Variants in TRAPPC9 observed in about 807,000 individuals in gnomAD.
The protein encoded by TRAPPC9 is IKK2 binding protein.
TRAPPC9 carries 83 observed loss-of-function variants against 124.0 expected under a neutral mutation model. That is an observed-to-expected ratio of 0.67 (90% CI 0.56 to 0.80). TRAPPC9 has a LOEUF of 0.80. TRAPPC9 is among the 30% of genes least tolerant of loss of function. TRAPPC9 has a pLI of 0.00. For synonymous variants in TRAPPC9, 638 were observed against 617.5 expected, an observed-to-expected ratio of 1.03 and a Z score of -0.49; for missense variants, 1,302 against 1,508.3, an observed-to-expected ratio of 0.86 and a Z score of 2.27.
At chr8:139,953,392 C>G (rs1418532331) in intron 19 of TRAPPC9, among the ~76,000 whole-genome samples, 1 of 152,156 alleles carries the variant, frequency 6.6e-6, no homozygotes, top group Non-Finnish European at 1.5e-5. Flanking sequence ...ACTCAGGAGG[C>G]TGAGGCAAGA....
intron 20 of TRAPPC9, chr8:139,908,564 C>T (rs915412673): frequency 6.6e-6 from 1 of 152,322 alleles, no homozygotes; most frequent in African/African-American, 2.4e-5. Flanking sequence ...CCTGCGGAGC[C>T]TTCTCCTTTG....
intron 21 of TRAPPC9, among the ~76,000 whole-genome samples, chr8:139,735,797 A>G (rs1253375331): frequency 6.6e-6 from 1 of 151,882 alleles, no homozygotes; most frequent in Non-Finnish European, 1.5e-5. Context: ...GCTCTGTACA[A>G]CCCCTTGGGA....
At chr8:139,841,867 A>G (rs1400710737) in intron 21 of TRAPPC9, among the ~76,000 whole-genome samples, 1 of 152,248 alleles carries the variant, frequency 6.6e-6, no homozygotes, top group South Asian at 2.1e-4. Flanking sequence ...AGCTGCCTGC[A>G]CAACACAGGG....
At chr8:140,420,031 A>G (rs747837503) in intron 5 of TRAPPC9, among the ~76,000 whole-genome samples, 3 of 151,744 alleles carry the variant, frequency 2.0e-5, no homozygotes, top group Non-Finnish European at 2.9e-5. Flanking sequence ...CCAATACACA[A>G]AAAATTGTGT....
At chr8:139,809,748 G>A (rs1481740419) in intron 21 of TRAPPC9, among the ~76,000 whole-genome samples, 1 of 152,072 alleles carries the variant, frequency 6.6e-6, no homozygotes, top group Non-Finnish European at 1.5e-5. Context: ...AGCCACAAGA[G>A]CCAACCCCCA....
chr8:139,945,543 C>CAAAAAAAAAAAA (rs61528944), intron 19 of TRAPPC9, among the ~76,000 whole-genome samples: 15 of 66,168 alleles, frequency 2.3e-4, no homozygotes, highest in East Asian at 5.6e-4. Flanking sequence ...GCACAATTAG[C>CAAAAAAAAAAAA]AAAAAAAAAA....
At chr8:139,932,512 C>T (rs1447362495) in intron 19 of TRAPPC9, 2 of 456,600 alleles carry the variant, frequency 4.4e-6, no homozygotes, top group Non-Finnish European at 4.4e-6. Context: ...CCTGTAATCC[C>T]AGCACTTTGG....
intron 17 of TRAPPC9, among the ~76,000 whole-genome samples, chr8:140,024,821 G>C (rs570994652): frequency 1.6e-4 from 25 of 152,172 alleles, no homozygotes; most frequent in Non-Finnish European, 2.9e-4. Context: ...CATCAGATGA[G>C]GTGACAGGCG....
chr8:139,740,970 G>A (rs1398506482), intron 21 of TRAPPC9, among the ~76,000 whole-genome samples: 3 of 152,162 alleles, frequency 2.0e-5, no homozygotes, highest in African/African-American at 7.2e-5. Flanking sequence ...CCAGCCCTGG[G>A]CAGCTGCCAT....
chr8:140,125,159 C>G (rs957351964), intron 17 of TRAPPC9, among the ~76,000 whole-genome samples: 1 of 152,204 alleles, frequency 6.6e-6, no homozygotes, highest in Admixed American at 6.5e-5. Flanking sequence ...ATGCAGCAGC[C>G]GAGGTCAGCA....
chr8:139,790,837 T>C (rs1229413977), intron 21 of TRAPPC9, among the ~76,000 whole-genome samples: 1 of 152,092 alleles, frequency 6.6e-6, no homozygotes, highest in Non-Finnish European at 1.5e-5. Context: ...GGGGTGGATT[T>C]CTCATAAATG....
At chr8:140,328,836 T>G (rs1047421142) in intron 9 of TRAPPC9, among the ~76,000 whole-genome samples, 1 of 152,140 alleles carries the variant, frequency 6.6e-6, no homozygotes. Flanking sequence ...GTGAAAGGAT[T>G]TGATGCTCGA....
At chr8:139,966,496 C>T (rs1017319394) in intron 19 of TRAPPC9, among the ~76,000 whole-genome samples, 5 of 152,220 alleles carry the variant, frequency 3.3e-5, no homozygotes, top group African/African-American at 1.2e-4. Flanking sequence ...GGTCCTTCTT[C>T]CAGAATAGCC....
At chr8:140,075,256 T>C (rs1230484151) in intron 17 of TRAPPC9, among the ~76,000 whole-genome samples, 1 of 152,242 alleles carries the variant, frequency 6.6e-6, no homozygotes, top group Non-Finnish European at 1.5e-5. Flanking sequence ...AATGCTATAA[T>C]GTACATAAAA....
intron 20 of TRAPPC9, among the ~76,000 whole-genome samples, chr8:139,887,285 A>G (rs1351393540): frequency 6.9e-6 from 1 of 145,036 alleles, no homozygotes; most frequent in Admixed American, 7.0e-5. Context: ...CTGTGGCATG[A>G]TCTCGGCTCA....
At chr8:140,138,477 A>G (rs920638927) in intron 17 of TRAPPC9, among the ~76,000 whole-genome samples, 2 of 152,096 alleles carry the variant, frequency 1.3e-5, no homozygotes, top group African/African-American at 4.8e-5. Context: ...GGCCCTTTCT[A>G]AAGTAGCGTC....
At chr8:140,439,688 C>T (rs114493313) in intron 2 of TRAPPC9, among the ~76,000 whole-genome samples, 2 of 152,194 alleles carry the variant, frequency 1.3e-5, no homozygotes, top group Admixed American at 1.3e-4. Flanking sequence ...GAGAGCAGGG[C>T]CTGGGGTGCT....
At chr8:139,782,289 A>G (rs1013625063) in intron 21 of TRAPPC9, among the ~76,000 whole-genome samples, 1 of 152,200 alleles carries the variant, frequency 6.6e-6, no homozygotes, top group Admixed American at 6.5e-5. Context: ...CTAAAGTAGG[A>G]GAATCAGTTG....
At chr8:140,440,803 G>GCAAC (rs2070986854) in intron 2 of TRAPPC9, among the ~76,000 whole-genome samples, 1 of 151,890 alleles carries the variant, frequency 6.6e-6, no homozygotes, top group African/African-American at 2.4e-5. Context: ...CACTCCACAG[G>GCAAC]CAACCTTGCT....
Sources: allele counts gnomAD v4.1 joint callset (sites outside exome capture counted in the v4.1 genomes callset), GRCh38; gene constraint gnomAD v4.1.1; transcripts MANE v1.5; gene names NCBI Gene and HGNC (gene_info 2026-07-23, HGNC 2026-07-21).